The following SLC2A13 variants were observed in gnomAD, a reference collection of about 807,000 sequenced individuals.
SLC2A13 encodes the protein solute carrier family 2 member 13.
In SLC2A13, 32 loss-of-function variants were observed where a neutral mutation model predicts 64.4. The observed-to-expected ratio is 0.50, with a 90% CI of 0.37 to 0.67. The LOEUF is 0.67. SLC2A13 is among the 30% of genes least tolerant of loss of function. SLC2A13 has a pLI of 0.00. For missense variants in SLC2A13, 743 were observed against 829.2 expected, an observed-to-expected ratio of 0.90 and a Z score of 1.28; for synonymous variants, 338 against 327.1, an observed-to-expected ratio of 1.03 and a Z score of -0.36.
chr12:39,983,433 A>G (rs1160068254), intron 3 of SLC2A13, among the ~76,000 whole-genome samples: 1 of 80,020 alleles, frequency 1.2e-5, no homozygotes, highest in African/African-American at 4.8e-5. Flanking sequence ...TACTCATCTG[A>G]CAAAGGGCTA....
intron 3 of SLC2A13, among the ~76,000 whole-genome samples, chr12:39,983,154 T>G (rs1348158683): frequency 2.6e-5 from 4 of 151,822 alleles, no homozygotes; most frequent in Non-Finnish European, 5.9e-5. Flanking sequence ...GATCCCTTCC[T>G]TACACCTTAT....
chr12:39,846,659 C>T (rs1943322238), intron 6 of SLC2A13, among the ~76,000 whole-genome samples: 1 of 152,066 alleles, frequency 6.6e-6, no homozygotes, highest in Non-Finnish European at 1.5e-5. Flanking sequence ...GCCACGTTGC[C>T]CAGGCTGCTC....
intron 1 of SLC2A13, among the ~76,000 whole-genome samples, chr12:40,097,766 T>C (rs1939001276): frequency 6.6e-6 from 1 of 152,196 alleles, no homozygotes; most frequent in African/African-American, 2.4e-5. Context: ...GAACCCTGTA[T>C]ACTGCTGGTA....
At chr12:40,054,132 TGTTA>T (rs902669731) in intron 1 of SLC2A13, among the ~76,000 whole-genome samples, 9 of 152,338 alleles carry the variant, frequency 5.9e-5, no homozygotes, top group African/African-American at 1.9e-4. Context: ...AAATTTCTCC[TGTTA>T]TTTACCTAAA....
intron 6 of SLC2A13, among the ~76,000 whole-genome samples, chr12:39,838,917 C>T (rs542453924): frequency 6.6e-6 from 1 of 152,156 alleles, no homozygotes; most frequent in East Asian, 1.9e-4. Context: ...TCTTAAAATG[C>T]CTGTCTCTAG....
intron 3 of SLC2A13, among the ~76,000 whole-genome samples, chr12:39,988,582 G>A (rs988961768): frequency 6.9e-6 from 1 of 143,956 alleles, no homozygotes; most frequent in Admixed American, 7.1e-5. Flanking sequence ...AAGAATGAAT[G>A]AAAAAAAGAG....
chr12:39,888,645 C>G (rs909461766), intron 4 of SLC2A13, among the ~76,000 whole-genome samples: 1 of 152,186 alleles, frequency 6.6e-6, no homozygotes, highest in African/African-American at 2.4e-5. Context: ...TGCAAGAGAG[C>G]ACAGTACTAA....
At chr12:39,834,244 ATAT>A (rs1942943711) in intron 6 of SLC2A13, among the ~76,000 whole-genome samples, 1 of 152,056 alleles carries the variant, frequency 6.6e-6, no homozygotes, top group South Asian at 2.1e-4. Flanking sequence ...TCAAAAAAAG[ATAT>A]TATTTTTTCT....
At chr12:39,946,037 C>A (rs1191355237) in intron 4 of SLC2A13, among the ~76,000 whole-genome samples, 1 of 152,144 alleles carries the variant, frequency 6.6e-6, no homozygotes, top group East Asian at 1.9e-4. Flanking sequence ...ATTCTTTTGT[C>A]CCACAGGGTG....
intron 6 of SLC2A13, among the ~76,000 whole-genome samples, chr12:39,833,961 A>G (rs1035346164): frequency 2.6e-5 from 4 of 151,672 alleles, no homozygotes; most frequent in East Asian, 1.9e-4. Flanking sequence ...CCCTCAGTCT[A>G]TAGGGTTCCT....
At chr12:40,051,246 C>A (rs1361856697) in intron 1 of SLC2A13, among the ~76,000 whole-genome samples, 1 of 152,152 alleles carries the variant, frequency 6.6e-6, no homozygotes, top group African/African-American at 2.4e-5. Context: ...AAAGGTTGGG[C>A]AGACAATTCT....
intron 1 of SLC2A13, among the ~76,000 whole-genome samples, chr12:40,071,330 A>G (rs942352438): frequency 5.3e-5 from 8 of 152,172 alleles, no homozygotes; most frequent in Non-Finnish European, 1.2e-4. Flanking sequence ...TGATGTGATA[A>G]TATCAATTTT....
At chr12:40,063,608 C>G (rs1006497672) in intron 1 of SLC2A13, among the ~76,000 whole-genome samples, 3 of 152,148 alleles carry the variant, frequency 2.0e-5, no homozygotes, top group Non-Finnish European at 2.9e-5. Flanking sequence ...AACTACCACA[C>G]TAATTGCAAA....
intron 4 of SLC2A13, among the ~76,000 whole-genome samples, chr12:39,935,069 T>A (rs1195519581): frequency 6.6e-6 from 1 of 152,180 alleles, no homozygotes; most frequent in Non-Finnish European, 1.5e-5. Flanking sequence ...AAGAATACTT[T>A]ATGGAAATCT....
intron 6 of SLC2A13, among the ~76,000 whole-genome samples, chr12:39,848,470 G>A (rs1334540889): frequency 6.6e-6 from 1 of 152,066 alleles, no homozygotes; most frequent in Non-Finnish European, 1.5e-5. Context: ...AAACCACAAT[G>A]AGAAACCATC....
chr12:39,816,036 C>T (rs149239332), intron 7 of SLC2A13, among the ~76,000 whole-genome samples: 1,562 of 152,306 alleles, frequency 0.01, 9 homozygotes, highest in Middle Eastern at 0.027. Flanking sequence ...ACAGTGTCCA[C>T]CAAATCCTAA....
chr12:39,868,536 T>C (rs968848529), intron 5 of SLC2A13, among the ~76,000 whole-genome samples: 1 of 152,198 alleles, frequency 6.6e-6, no homozygotes, highest in African/African-American at 2.4e-5. Flanking sequence ...GTTTAGTAGA[T>C]CTGGGTTAAG....
chr12:39,834,796 T>G (rs956801445), intron 6 of SLC2A13, among the ~76,000 whole-genome samples: 5 of 152,066 alleles, frequency 3.3e-5, no homozygotes. Flanking sequence ...TATAGACTAT[T>G]TTATGGCAAA....
chr12:39,985,959 G>T (rs1004877391), intron 3 of SLC2A13, among the ~76,000 whole-genome samples: 1 of 152,078 alleles, frequency 6.6e-6, no homozygotes, highest in African/African-American at 2.4e-5. Context: ...TCACCATTCT[G>T]GAGGCTGGGA....
Sources: gnomAD v4.1 joint callset for allele counts (sites outside exome capture counted in the v4.1 genomes callset) on GRCh38, gnomAD v4.1.1 for gene constraint, MANE v1.5 for transcripts, NCBI Gene and HGNC (gene_info 2026-07-23, HGNC 2026-07-21) for gene names.